Variants in LUZP2 observed in about 807,000 individuals in gnomAD.
The protein encoded by LUZP2 is leucine zipper protein 2.
LUZP2 carries 52 observed loss-of-function variants against 51.6 expected under a neutral mutation model. The observed-to-expected ratio is 1.01, with a 90% CI of 0.81 to 1.27. LUZP2 has a LOEUF of 1.27. LUZP2 is among the 50% of genes most tolerant of loss of function. The pLI is 0.00. For synonymous variants in LUZP2, 154 were observed against 137.3 expected, an observed-to-expected ratio of 1.12 and a Z score of -0.85; for missense variants, 436 against 395.4, an observed-to-expected ratio of 1.10 and a Z score of -0.87.
intron 5 of LUZP2, among the ~76,000 whole-genome samples, chr11:24,823,371 A>G (rs1312923463): frequency 6.7e-6 from 1 of 149,886 alleles, no homozygotes. Flanking sequence ...AAAAGGGAAT[A>G]GGAAACAAAT....
chr11:24,874,715 G>A (rs1417809506), intron 5 of LUZP2, among the ~76,000 whole-genome samples: 1 of 152,124 alleles, frequency 6.6e-6, no homozygotes, highest in Non-Finnish European at 1.5e-5. Context: ...GGAGTGTGGG[G>A]CACTTGTTGA....
At chr11:24,687,071 A>G (rs1220806212) in intron 1 of LUZP2, among the ~76,000 whole-genome samples, 2 of 152,158 alleles carry the variant, frequency 1.3e-5, no homozygotes, top group African/African-American at 4.8e-5. Flanking sequence ...AAAACATTAC[A>G]CTACAGAGTT....
At chr11:24,581,012 C>T (rs1321960962) in intron 1 of LUZP2, among the ~76,000 whole-genome samples, 1 of 152,008 alleles carries the variant, frequency 6.6e-6, no homozygotes, top group Non-Finnish European at 1.5e-5. Flanking sequence ...TGAACAATCT[C>T]ATAGAATCCA....
intron 5 of LUZP2, among the ~76,000 whole-genome samples, chr11:24,843,216 A>G (rs1429167075): frequency 6.7e-6 from 1 of 149,060 alleles, no homozygotes; most frequent in Admixed American, 6.6e-5. Context: ...AAAGAAACAG[A>G]GTTATTAGTT....
intron 1 of LUZP2, among the ~76,000 whole-genome samples, chr11:24,673,799 C>T (rs1045450917): frequency 3.9e-5 from 6 of 152,160 alleles, no homozygotes; most frequent in African/African-American, 1.4e-4. Flanking sequence ...GGCATTAGCT[C>T]TTTCTTTTTA....
intron 5 of LUZP2, among the ~76,000 whole-genome samples, chr11:24,808,910 C>G (rs1849934724): frequency 6.6e-6 from 1 of 151,834 alleles, no homozygotes; most frequent in Non-Finnish European, 1.5e-5. Context: ...AATATAAAAA[C>G]CAATAGTTTA....
chr11:24,662,404 A>T (rs1856052966), intron 1 of LUZP2, among the ~76,000 whole-genome samples: 1 of 152,122 alleles, frequency 6.6e-6, no homozygotes, highest in African/African-American at 2.4e-5. Flanking sequence ...GACTGTATAA[A>T]CATTTCTAAA....
chr11:24,679,719 G>C (rs1856672916), intron 1 of LUZP2, among the ~76,000 whole-genome samples: 1 of 152,116 alleles, frequency 6.6e-6, no homozygotes. Flanking sequence ...TGTAAGAAAA[G>C]TGCGAAATAT....
intron 1 of LUZP2, among the ~76,000 whole-genome samples, chr11:24,710,951 AGGAG>A (rs572351124): frequency 6.8e-5 from 9 of 132,770 alleles, no homozygotes; most frequent in East Asian, 2.7e-4. Context: ...AAGGAAGGAA[AGGAG>A]GGAGGGAGGG....
intron 9 of LUZP2, among the ~76,000 whole-genome samples, chr11:25,049,272 C>G (rs555957233): frequency 6.6e-6 from 1 of 152,124 alleles, no homozygotes; most frequent in African/African-American, 2.4e-5. Flanking sequence ...TTTTGTGTGC[C>G]CTAAAACAGT....
chr11:24,590,431 A>G (rs1264550976), intron 1 of LUZP2, among the ~76,000 whole-genome samples: 1 of 152,148 alleles, frequency 6.6e-6, no homozygotes, highest in Non-Finnish European at 1.5e-5. Context: ...AACATTCAAA[A>G]GCCTCTCTGC....
intron 1 of LUZP2, among the ~76,000 whole-genome samples, chr11:24,502,720 G>A (rs1850035621): frequency 6.6e-6 from 1 of 152,036 alleles, no homozygotes. Flanking sequence ...TGTACACTTT[G>A]GTGAACACCA....
intron 1 of LUZP2, among the ~76,000 whole-genome samples, chr11:24,693,226 T>G (rs1341590546): frequency 6.6e-6 from 1 of 151,784 alleles, no homozygotes; most frequent in African/African-American, 2.4e-5. Flanking sequence ...TTGTTGTTTT[T>G]AAGCATGGTT....
intron 9 of LUZP2, among the ~76,000 whole-genome samples, chr11:25,017,119 T>G (rs1274177616): frequency 3.3e-5 from 5 of 152,114 alleles, no homozygotes; most frequent in Non-Finnish European, 7.4e-5. Context: ...TTCAATGGGA[T>G]TATTTGTTTT....
intron 9 of LUZP2, among the ~76,000 whole-genome samples, chr11:25,040,147 A>T (rs552418948): frequency 9.2e-5 from 14 of 152,220 alleles, no homozygotes; most frequent in African/African-American, 3.1e-4. Flanking sequence ...GGCAAACTTA[A>T]TTCAATAAAT....
At chr11:24,705,495 G>C (rs987677933) in intron 1 of LUZP2, among the ~76,000 whole-genome samples, 1 of 152,196 alleles carries the variant, frequency 6.6e-6, no homozygotes, top group Admixed American at 6.5e-5. Flanking sequence ...GCTGAAATTA[G>C]ACTTTCCTCT....
intron 5 of LUZP2, among the ~76,000 whole-genome samples, chr11:24,861,487 A>G (rs1851739466): frequency 6.6e-6 from 1 of 152,194 alleles, no homozygotes; most frequent in Admixed American, 6.5e-5. Flanking sequence ...CAACATGCCA[A>G]TTCAGAAAAT....
At chr11:24,566,326 A>ATT (rs869144004) in intron 1 of LUZP2, among the ~76,000 whole-genome samples, 28 of 93,016 alleles carry the variant, frequency 3.0e-4, no homozygotes, top group Middle Eastern at 5.0e-3. Flanking sequence ...TTATTTATTT[A>ATT]TTTTTTTTTT....
chr11:24,601,826 A>G (rs1225867372), intron 1 of LUZP2, among the ~76,000 whole-genome samples: 1 of 148,970 alleles, frequency 6.7e-6, no homozygotes, highest in Non-Finnish European at 1.5e-5. Flanking sequence ...CTGTTTAGAT[A>G]TAGTTTATCA....
Sources: gnomAD v4.1 joint callset for allele counts (sites outside exome capture counted in the v4.1 genomes callset) on GRCh38, gnomAD v4.1.1 for gene constraint, MANE v1.5 for transcripts, NCBI Gene and HGNC (gene_info 2026-07-23, HGNC 2026-07-21) for gene names.